Variants in LOXHD1 observed in about 807,000 individuals in gnomAD.
LOXHD1 encodes the protein lipoxygenase homology PLAT domains 1, also known as lipoxygenase homology domain-containing protein 1.
Under a neutral mutation model 248.2 loss-of-function variants are expected in LOXHD1, and 205 were observed. The observed-to-expected ratio is 0.83, with a 90% confidence interval of 0.74 to 0.93. LOXHD1 has a LOEUF of 0.93. LOXHD1 is among the 40% of genes least tolerant of loss of function. LOXHD1 has a pLI of 0.00. For synonymous variants in LOXHD1, 1,113 were observed against 1,162.8 expected (o/e 0.96, Z 0.87); for missense variants, 2,930 against 2,971.6 (o/e 0.99, Z 0.33).
At chr18:46,599,243 T>C (rs1467377555) in intron 8 of LOXHD1, among the ~76,000 whole-genome samples, 1 of 152,168 alleles carries the variant, frequency 6.6e-6, no homozygotes, top group Non-Finnish European at 1.5e-5. Context: ...ATAAGAATTA[T>C]CTAAACCACT....
intron 33 of LOXHD1, among the ~76,000 whole-genome samples, chr18:46,519,617 C>G (rs899535748): frequency 6.6e-6 from 1 of 152,070 alleles, no homozygotes; most frequent in African/African-American, 2.4e-5. Flanking sequence ...AACAAAAGTG[C>G]GAGCCTGACA....
At chr18:46,511,237 G>T (rs1372628628) in intron 34 of LOXHD1, among the ~76,000 whole-genome samples, 1 of 152,166 alleles carries the variant, frequency 6.6e-6, no homozygotes, top group Non-Finnish European at 1.5e-5. Flanking sequence ...ACCATCTAAA[G>T]TGAAGGCCCT....
At chr18:46,495,988 C>T (rs1010985724) in intron 37 of LOXHD1, among the ~76,000 whole-genome samples, 7 of 152,168 alleles carry the variant, frequency 4.6e-5, no homozygotes, top group East Asian at 1.9e-4. Context: ...GCCGAGATGG[C>T]GCCGCTGCAC....
intron 4 of LOXHD1, among the ~76,000 whole-genome samples, chr18:46,632,589 G>A (rs1019480645): frequency 6.6e-6 from 1 of 152,122 alleles, no homozygotes; most frequent in African/African-American, 2.4e-5. Context: ...CAGGATGGAA[G>A]AAATCCACCA....
chr18:46,551,872 A>G (rs2037119620), intron 21 of LOXHD1, among the ~76,000 whole-genome samples: 1 of 152,228 alleles, frequency 6.6e-6, no homozygotes, highest in South Asian at 2.1e-4. Flanking sequence ...ATTCAGCCTT[A>G]AAAAGGAAGG....
At position 46,494,006 on chromosome 18, in the gene LOXHD1, C is replaced by T. The variant is rs1417126556; in HGVS notation, c.5879-4864G>A. 2.6e-5 allele frequency among the ~76,000 whole-genome samples: 4 copies of T among 152,198 alleles called. No individual in the cohort carries two copies. The East Asian group carries it at 5.8e-4, about 22-fold the overall frequency. ...CCTTTCTCCTCATTATGGCACCCAG[C>T]TTTCCCTTGCCTTAAATACCTGCCT... On this transcript the variant is annotated intron_variant, in intron 37 of 40. Transcript: ENST00000642948.
chr18:46,640,164 C>G (rs562762153), intron 3 of LOXHD1, among the ~76,000 whole-genome samples: 1 of 152,292 alleles, frequency 6.6e-6, no homozygotes, highest in African/African-American at 2.4e-5. Flanking sequence ...CTCTCCCACT[C>G]TGGCTCAAGC....
At chr18:46,579,566 A>G in intron 13 of LOXHD1, 64 bp downstream of exon 13, 1 of 1,546,344 alleles carries the variant, frequency 6.5e-7, no homozygotes, top group South Asian at 1.2e-5. Flanking sequence ...GGCAGGGAAG[A>G]CGAGGGAACA....
intron 39 of LOXHD1, among the ~76,000 whole-genome samples, chr18:46,484,188 C>G (rs2032841411): frequency 6.6e-6 from 1 of 152,102 alleles, no homozygotes; most frequent in African/African-American, 2.4e-5. Flanking sequence ...GGTATGGGTG[C>G]AGGCAGCCTG....
intron 14 of LOXHD1, among the ~76,000 whole-genome samples, chr18:46,574,421 C>CACACACACACACACA (rs2037815964): frequency 2.1e-5 from 1 of 47,960 alleles, no homozygotes; most frequent in African/African-American, 2.3e-4. Flanking sequence ...ACACACACAC[C>CACACACACACACACA]TGATCCTAGC....
intron 26 of LOXHD1, among the ~76,000 whole-genome samples, chr18:46,536,622 G>T (rs2036323068): frequency 6.6e-6 from 1 of 152,344 alleles, no homozygotes; most frequent in East Asian, 1.9e-4. Context: ...CTCAGCCGCT[G>T]ACGGCATCAG....
In LOXHD1 at chr18:46,572,175, T is replaced by C; in HGVS notation, c.1971-13A>G. 6.4e-7 allele frequency: 1 copy of C among 1,551,248 alleles called. No individual in the cohort carries two copies. Among genetic ancestry groups the C allele is most frequent in the South Asian group, 1.2e-5 (1 of 84,038 alleles). On this transcript the variant is annotated splice_polypyrimidine_tract_variant and intron_variant, in intron 14 of 40. Coordinates refer to ENST00000642948, the MANE Select transcript of LOXHD1 (RefSeq NM_001384474.1). The stretch of plus-strand genomic sequence containing the variant: ...CTTGTCCAACCACCTGGTGGGCAAA[T>C]GGGGGAATGTTAGCTCTTTGGGTGG...
chr18:46,636,588 C>G (rs2038895796), intron 4 of LOXHD1, among the ~76,000 whole-genome samples: 1 of 152,150 alleles, frequency 6.6e-6, no homozygotes, highest in Non-Finnish European at 1.5e-5. Context: ...GGAACTGGCC[C>G]TTGAGGGTGG....
intron 17 of LOXHD1, among the ~76,000 whole-genome samples, chr18:46,566,054 G>A (rs561551641): frequency 1.3e-5 from 2 of 152,304 alleles, no homozygotes; most frequent in South Asian, 4.1e-4. Context: ...TGGGTCCTCA[G>A]TTTCCTCATC....
intron 4 of LOXHD1, among the ~76,000 whole-genome samples, chr18:46,630,816 CAAGA>C (rs908142093): frequency 5.3e-5 from 8 of 152,068 alleles, no homozygotes; most frequent in African/African-American, 1.9e-4. Context: ...TGGAGGCAAG[CAAGA>C]AAGAAGGTGC....
chr18:46,538,727 T>C (rs12956234), intron 25 of LOXHD1, among the ~76,000 whole-genome samples: 27,968 of 152,196 alleles, frequency 0.18, 2,771 homozygotes, highest in African/African-American at 0.24. Context: ...GTCTGTAAAG[T>C]GCCCTCGACA....
At chr18:46,610,750 G>A in intron 6 of LOXHD1, 26 bp downstream of exon 6, 2 of 1,539,766 alleles carry the variant, frequency 1.3e-6, no homozygotes, top group Non-Finnish European at 1.8e-6. Context: ...AGGCCACAGG[G>A]ACTGCAGAGA....
chr18:46,560,201 C>T lies in LOXHD1; in HGVS notation c.2943G>A (p.Pro981=), dbSNP rs374083353. The T allele has an allele frequency of 6.4e-5, 99 of 1,551,734 alleles. No individual in the cohort carries two copies. Among genetic ancestry groups the T allele is most frequent in the African/African-American group, 4.1e-4 (30 of 73,048 alleles). Residue 981 remains proline (P), a synonymous_variant, in exon 19 of 41, where the codon CCG becomes CCA. Coordinates refer to ENST00000642948, the MANE Select transcript of LOXHD1 (RefSeq NM_001384474.1). ...EEEEEEEEFG[P]GMQEVIEQHK... ...GCTGCTCAATCACCTCCTGCATCCC[C>T]GGCCCAAACTCCTCCTCTTCCTCCT...
chr18:46,549,879 TA>T (rs981205796), intron 21 of LOXHD1, among the ~76,000 whole-genome samples: 5 of 152,238 alleles, frequency 3.3e-5, no homozygotes, highest in Admixed American at 3.3e-4. Flanking sequence ...AAACATAAAA[TA>T]TCACATCAAA....
Sources: gnomAD v4.1 joint callset for allele counts (sites outside exome capture counted in the v4.1 genomes callset) on GRCh38, gnomAD v4.1.1 for gene constraint, MANE v1.5 for transcripts, NCBI Gene and HGNC (gene_info 2026-07-23, HGNC 2026-07-21) for gene names.